Variants in HPRT1 observed in about 807,000 individuals in gnomAD.
HPRT1 encodes hypoxanthine phosphoribosyltransferase 1.
In HPRT1, 4 loss-of-function variants were observed where a neutral mutation model predicts 19.0. That is an observed-to-expected ratio of 0.21 (90% CI 0.10 to 0.48). The LOEUF (loss-of-function observed/expected upper bound fraction) is 0.48. Ranked by LOEUF, HPRT1 falls within the 20% of genes least tolerant of loss-of-function variation. The pLI is 0.98. For missense variants in HPRT1, 65 were observed against 164.0 expected (o/e 0.40, Z 3.30); for synonymous variants, 53 against 54.9 (o/e 0.97, Z 0.15).
chrX:134,477,166 T>C (rs2077628131), intron 3 of HPRT1, among the ~76,000 whole-genome samples: 1 of 106,778 alleles, frequency 9.4e-6, no homozygotes, highest in Non-Finnish European at 1.9e-5. Flanking sequence ...GTTCAAGCAA[T>C]TCTTCTGTCT....
chrX:134,479,428 CCTGG>C (rs2077633439), intron 3 of HPRT1, among the ~76,000 whole-genome samples: 1 of 109,885 alleles, frequency 9.1e-6, no homozygotes, highest in Non-Finnish European at 1.9e-5. Context: ...TGCTACCATG[CCTGG>C]CTAATTTTTG....
chrX:134,498,516 T>A (rs1046614776), intron 7 of HPRT1, 80 bp downstream of exon 7: 1 of 1,008,120 alleles, frequency 9.9e-7, no homozygotes, highest in African/African-American at 1.8e-5. Flanking sequence ...TTATAATTGC[T>A]TAGAGAATAT....
intron 4 of HPRT1, among the ~76,000 whole-genome samples, chrX:134,489,772 G>T (rs1334285231): frequency 9.0e-6 from 1 of 111,272 alleles, no homozygotes; most frequent in Admixed American, 9.6e-5. Flanking sequence ...GAGTCCATAT[G>T]GTAAATTAAA....
At chrX:134,480,766 TACACACAC>T (rs748211684) in intron 3 of HPRT1, among the ~76,000 whole-genome samples, 1 of 92,171 alleles carries the variant, frequency 1.1e-5, no homozygotes, top group Non-Finnish European at 2.2e-5. Flanking sequence ...TAACTTAAAA[TACACACAC>T]ACACACACAC....
chrX:134,495,215 AAG>A, intron 6 of HPRT1, among the ~76,000 whole-genome samples: 1 of 108,705 alleles, frequency 9.2e-6, no homozygotes, highest in Non-Finnish European at 1.9e-5. Flanking sequence ...AAAAAAAAAA[AAG>A]AATGCATGGC....
intron 1 of HPRT1, among the ~76,000 whole-genome samples, chrX:134,461,255 G>C (rs1198850760): frequency 9.0e-6 from 1 of 111,658 alleles, no homozygotes; most frequent in Non-Finnish European, 1.9e-5. Flanking sequence ...GTTACCTGTT[G>C]TTTCTCCCAC....
chrX:134,478,819 G>A (rs1482647986), intron 3 of HPRT1, among the ~76,000 whole-genome samples: 1 of 111,459 alleles, frequency 9.0e-6, no homozygotes, highest in Non-Finnish European at 1.9e-5. Context: ...ATTGCCTGGG[G>A]ATTCCAAATA....
chrX:134,487,842 T>C (rs1275543415), intron 4 of HPRT1, among the ~76,000 whole-genome samples: 1 of 111,555 alleles, frequency 9.0e-6, no homozygotes, highest in African/African-American at 3.3e-5. Context: ...GCATGCTTTG[T>C]CCATATTTAG....
At chrX:134,478,903 C>T (rs773039025) in intron 3 of HPRT1, among the ~76,000 whole-genome samples, 11 of 112,253 alleles carry the variant, frequency 9.8e-5, no homozygotes, top group Non-Finnish European at 1.9e-4. Flanking sequence ...AGAAAGAAAA[C>T]ACTACCAGTT....
At chrX:134,473,272 G>C in intron 1 of HPRT1, 87 bp from the exon 2 acceptor site, 1 of 617,200 alleles carries the variant, frequency 1.6e-6, no homozygotes, top group Non-Finnish European at 2.8e-6. Context: ...TTCTCTGATA[G>C]ACTAAGGTTA....
intron 1 of HPRT1, among the ~76,000 whole-genome samples, chrX:134,460,687 G>C (rs962581291): frequency 8.1e-5 from 9 of 110,450 alleles, no homozygotes; most frequent in African/African-American, 3.0e-4. Context: ...GGGTGGGGGC[G>C]TGGGGGCTTT....
chrX:134,485,546 T>C lies in HPRT1; in HGVS notation c.319-919T>C, dbSNP rs919390407. Among the ~76,000 whole-genome samples the C allele has an allele frequency of 2.7e-5, 3 of 112,355 alleles. No homozygotes were observed. In the Admixed American group the frequency reaches 2.8e-4, roughly 11 times the overall value. On this transcript the variant is annotated intron_variant, in intron 3 of 8. Coordinates refer to ENST00000298556, the MANE Select transcript of HPRT1 (RefSeq NM_000194.3). ...TTTTATTTTTTCCCAAATGGGTTAC[T>C]AGTTGGCCAAACATCATTTATTGAA...
chrX:134,480,510 T>C (rs1336772150), intron 3 of HPRT1, among the ~76,000 whole-genome samples: 3 of 106,723 alleles, frequency 2.8e-5, no homozygotes, highest in East Asian at 3.0e-4. Context: ...TGCAGTGGCA[T>C]AGTGGCCCAT....
At chrX:134,492,134 T>C (rs1269393639) in intron 5 of HPRT1, among the ~76,000 whole-genome samples, 1 of 103,143 alleles carries the variant, frequency 9.7e-6, no homozygotes, top group East Asian at 3.0e-4. Flanking sequence ...CAAGCCATCC[T>C]CCCACCTCGG....
At chrX:134,465,424 A>G (rs887622139) in intron 1 of HPRT1, among the ~76,000 whole-genome samples, 1 of 111,648 alleles carries the variant, frequency 9.0e-6, no homozygotes, top group Non-Finnish European at 1.9e-5. Context: ...CATAATTATT[A>G]GTAATTTGTA....
intron 1 of HPRT1, among the ~76,000 whole-genome samples, chrX:134,464,837 G>T (rs17879889): frequency 0.012 from 1,363 of 110,749 alleles, 23 homozygotes; most frequent in African/African-American, 0.043. Flanking sequence ...AAAGTGCTGG[G>T]ATTACAGGTG....
intron 4 of HPRT1, among the ~76,000 whole-genome samples, chrX:134,487,819 T>A (rs1332544514): frequency 8.9e-6 from 1 of 111,817 alleles, no homozygotes; most frequent in African/African-American, 3.3e-5. Flanking sequence ...GTTAGACCTG[T>A]CCTTCCCTTT....
intron 4 of HPRT1, among the ~76,000 whole-genome samples, chrX:134,488,845 G>A (rs1270409771): frequency 8.9e-6 from 1 of 111,776 alleles, no homozygotes; most frequent in Non-Finnish European, 1.9e-5. Flanking sequence ...TTTGCTGTGT[G>A]CCTTTGGATT....
intron 4 of HPRT1, 66 bp from the exon 5 acceptor site, chrX:134,490,122 T>C (rs999591729): frequency 1.3e-5 from 9 of 711,465 alleles, no homozygotes; most frequent in African/African-American, 4.2e-5. Context: ...TATGATGTGA[T>C]TTGACTTATA....
Sources: allele counts gnomAD v4.1 joint callset (sites outside exome capture counted in the v4.1 genomes callset), GRCh38; gene constraint gnomAD v4.1.1; transcripts MANE v1.5; gene names NCBI Gene and HGNC (gene_info 2026-07-23, HGNC 2026-07-21).